AAAS: variants seen among roughly 807,000 people sequenced by gnomAD.
The protein encoded by AAAS is aladin WD repeat nucleoporin, also known as aladin.
AAAS carries 60 observed loss-of-function variants against 75.6 expected under a neutral mutation model. The observed-to-expected ratio is 0.79, with a 90% CI of 0.64 to 0.98. The LOEUF (loss-of-function observed/expected upper bound fraction) is 0.98, where lower values mean the gene tolerates loss of function less well. Ranked by LOEUF, AAAS falls within the 50% of genes least tolerant of loss-of-function variation. AAAS has a pLI of 0.00. For synonymous variants in AAAS, 271 were observed against 265.0 expected (o/e 1.02, Z -0.22); for missense variants, 658 against 686.9 (o/e 0.96, Z 0.47).
At chr12:53,315,574 G>T in intron 3 of AAAS, 148 bp from the exon 4 acceptor site, 1 of 1,205,054 alleles carries the variant, frequency 8.3e-7, no homozygotes, top group Non-Finnish European at 1.2e-6. Flanking sequence ...CACCCACTCT[G>T]GACACCCACT....
chr12:53,316,764 C>CAAAAAAAA (rs34520642), intron 2 of AAAS, among the ~76,000 whole-genome samples: 2 of 77,184 alleles, frequency 2.6e-5, no homozygotes, highest in African/African-American at 6.0e-5. Flanking sequence ...CCATCTCAGA[C>CAAAAAAAA]AAAAAAAAAA....
In AAAS at chr12:53,316,535, A is replaced by G. The variant is rs1944464575; in HGVS notation, c.252-753T>C. On this transcript the variant is annotated intron_variant, in intron 2 of 15. Coordinates refer to ENST00000209873, the MANE Select transcript of AAAS (RefSeq NM_015665.6). ...TGTAATCACAGCACTTTGGGAGGCCAAGGTGGGCGGATCACGAGGTCAGGA... is the reference window on the plus strand; with the variant it reads ...TGTAATCACAGCACTTTGGGAGGCCGAGGTGGGCGGATCACGAGGTCAGGA... Among the ~76,000 whole-genome samples the G allele has an allele frequency of 3.4e-5, 5 of 146,918 alleles. No homozygotes were observed. The South Asian group carries it at 8.8e-4, about 26-fold the overall frequency.
Position 53,308,416 on chromosome 12 carries a change from C to T in AAAS, c.1181+19G>A. The T allele has an allele frequency of 6.2e-7, 1 of 1,614,144 alleles. No individual in the cohort carries two copies. The highest frequency in any genetic ancestry group is 1.3e-5 in the African/African-American group (1 of 75,026). ...TCCCACCTGCTTTTCACTGCCACTC[C>T]CTCAACCACTCAGCTCACCTCTCCT... On this transcript the variant is annotated intron_variant, in intron 12 of 15. Coordinates refer to ENST00000209873, the MANE Select transcript of AAAS (RefSeq NM_015665.6).
Position 53,315,457 on chromosome 12 carries a change from A to G in AAAS, c.308-31T>C, listed in dbSNP as rs1487615124. The G allele has an allele frequency of 3.1e-6, 5 of 1,590,718 alleles. No individual in the cohort carries two copies. The South Asian group carries it at 4.5e-5, about 14-fold the overall frequency. On this transcript the variant is annotated intron_variant, in intron 3 of 15. Transcript: ENST00000209873. ...GGGTTGAGGAAGCAGCTCTGATTAA[A>G]CCATTCACAGGCCTCTTACCAGGTA...
At chr12:53,317,614 GC>G (rs1944484774) in intron 2 of AAAS, among the ~76,000 whole-genome samples, 1 of 151,424 alleles carries the variant, frequency 6.6e-6, no homozygotes, top group South Asian at 2.1e-4. Context: ...GTGGTGGTGT[GC>G]ACCTGTAGTC....
chr12:53,310,972 G>T (rs1289642618), intron 7 of AAAS, among the ~76,000 whole-genome samples: 1 of 151,990 alleles, frequency 6.6e-6, no homozygotes, highest in East Asian at 1.9e-4. Flanking sequence ...TATTTCCTGG[G>T]CCAGGCATGG....
chr12:53,308,028 C>T (rs757220980), intron 14 of AAAS, 24 bp downstream of exon 14: 2 of 1,613,950 alleles, frequency 1.2e-6, no homozygotes, highest in Non-Finnish European at 1.7e-6. Flanking sequence ...GAAGTCCAGA[C>T]CTAAGGGCCC....
chr12:53,314,859 G>C lies in AAAS; in HGVS notation c.447-10C>G. On this transcript the variant is annotated splice_polypyrimidine_tract_variant and intron_variant, in intron 5 of 15. Transcript: ENST00000209873. ...CAAGCAGCAGCTGGACCTAAGGAAGGGGTTAACATGAAGAGTTCCTGCACC... is the reference window on the plus strand; with the variant it reads ...CAAGCAGCAGCTGGACCTAAGGAAGCGGTTAACATGAAGAGTTCCTGCACC... The C allele has an allele frequency of 6.2e-7, 1 of 1,611,238 alleles. No individual in the cohort carries two copies. Among genetic ancestry groups the C allele is most frequent in the Non-Finnish European group, 8.5e-7 (1 of 1,178,446 alleles).
chr12:53,312,010 A>C (rs1198847503), intron 7 of AAAS, among the ~76,000 whole-genome samples: 2 of 152,112 alleles, frequency 1.3e-5, no homozygotes, highest in Non-Finnish European at 2.9e-5. Flanking sequence ...ATAAAAATAA[A>C]TCAGGAAGAT....
intron 2 of AAAS, among the ~76,000 whole-genome samples, chr12:53,318,247 T>TGTGTGC (rs750968917): frequency 0.034 from 4,162 of 122,962 alleles, 76 homozygotes; most frequent in East Asian, 0.075. Context: ...TGTGTGTGCG[T>TGTGTGC]GTGTGTGTGT....
chr12:53,318,245 CGTGT>C (rs1165918605), intron 2 of AAAS, among the ~76,000 whole-genome samples: 1,611 of 78,894 alleles, frequency 0.02, 29 homozygotes, highest in African/African-American at 0.055. Flanking sequence ...TGTGTGTGTG[CGTGT>C]GTGTGTGTGT....
Position 53,307,912 on chromosome 12 carries a change from T to TC in AAAS, c.1348dup (p.Glu450GlyfsTer46). The TC allele has an allele frequency of 6.2e-7, 1 of 1,614,006 alleles. No individual in the cohort carries two copies. Among genetic ancestry groups the TC allele is most frequent in the Non-Finnish European group, 8.5e-7 (1 of 1,179,998 alleles). ...GATGAGCTGGGGCTGGGCTCCTGGC[T>TC]CCCCCTGGATAATGCCACTAGAAGA... On this transcript the variant is annotated frameshift_variant, in exon 15 of 16. Coordinates refer to ENST00000209873, the MANE Select transcript of AAAS (RefSeq NM_015665.6). LOFTEE classifies it high-confidence loss of function.
chr12:53,310,558 C>CAAAA (rs939524283), intron 7 of AAAS, among the ~76,000 whole-genome samples: 1 of 76,428 alleles, frequency 1.3e-5, no homozygotes. Flanking sequence ...GACTCCGTCT[C>CAAAA]AAAAAAAAAA....
chr12:53,320,423 T>C, intron 2 of AAAS, 142 bp downstream of exon 2: 1 of 1,208,880 alleles, frequency 8.3e-7, no homozygotes, highest in Non-Finnish European at 1.2e-6. Flanking sequence ...GGACTAAAAA[T>C]TTCATATGAT....
rs779563163 is a variant in AAAS at position 53,308,091 on chromosome 12, A to T, written c.1292T>A (p.Phe431Tyr). ...AAACACAGGGCTGTTTCGAGTGCGA[A>T]AAAGGAGGATGACTGGTTTACCATC... is the stretch of plus-strand genomic sequence containing the variant. ...VQDGKPVILLFRTRNSPVFEL... is the reference protein window; with the variant it reads ...VQDGKPVILLYRTRNSPVFEL... Residue 431 changes from phenylalanine (F) to tyrosine (Y), a missense_variant, in exon 14 of 16, where the codon TTT (phenylalanine) becomes TAT (tyrosine). Physicochemically the swap from Phe to Tyr is conservative, Grantham distance 22 (BLOSUM62 3). Transcript: ENST00000209873. The T allele has an allele frequency of 6.2e-7, 1 of 1,614,206 alleles. No homozygotes were observed. The highest frequency in any genetic ancestry group is 1.7e-5 in the Admixed American group (1 of 60,024).
intron 7 of AAAS, among the ~76,000 whole-genome samples, chr12:53,312,168 G>A (rs994247139): frequency 8.6e-5 from 13 of 150,674 alleles, no homozygotes; most frequent in Non-Finnish European, 1.9e-4. Context: ...AGCCGAGATT[G>A]CACCACTGCA....
At position 53,309,182 on chromosome 12, in the gene AAAS, C is replaced by T; in HGVS notation, c.910G>A (p.Ala304Thr). 3 of 1,614,156 alleles carry T rather than the reference C, an allele frequency of 1.9e-6. No homozygotes were observed. Among genetic ancestry groups the T allele is most frequent in the Non-Finnish European group, 2.5e-6 (3 of 1,180,028 alleles). The change falls in exon 9 of 16, where the codon GCT becomes ACT. Residue 304 changes from alanine (A) to threonine (T), a missense_variant. Ala to Thr is a moderately conservative substitution (Grantham distance 58, BLOSUM62 0). Transcript: ENST00000209873. ...CGAAAGACAGCTGAAGGAGTGGTAG[C>T]CAGGATTTTGCTGCCGTCTGGGGAC... The part of the protein sequence containing the change: ...LWSPDGSKIL[A>T]TTPSAVFRVW...
rs761223942 is a variant in AAAS at position 53,309,555 on chromosome 12, C to G, written c.810+46G>C. ...TGTTTCCACAACCGAGTGAGGAACA[C>G]TTTTGCCAGGACTGAAATGTGCATG... On this transcript the variant is annotated intron_variant, in intron 8 of 15. Transcript: ENST00000209873. 5 of 1,612,822 alleles carry G rather than the reference C, an allele frequency of 3.1e-6. No individual in the cohort carries two copies. The African/African-American group carries it at 6.7e-5, about 22-fold the overall frequency.
rs369842225 is a variant in AAAS, at chr12:53,309,582, G to A, written c.810+19C>T. On this transcript the variant is annotated intron_variant, in intron 8 of 15. Transcript: ENST00000209873. ...TTTGCCAGGACTGAAATGTGCATGA[G>A]GGGCAGGGACCCACTCACCCGGATA... 138 of 1,613,462 alleles carry A rather than the reference G, an allele frequency of 8.6e-5. No homozygotes were observed. The highest frequency in any genetic ancestry group is 9.6e-5 in the Non-Finnish European group (113 of 1,179,864).
Sources: allele counts gnomAD v4.1 joint callset (sites outside exome capture counted in the v4.1 genomes callset), GRCh38; gene constraint gnomAD v4.1.1; transcripts MANE v1.5; gene names NCBI Gene and HGNC (gene_info 2026-07-23, HGNC 2026-07-21).